Variants in NTNG1 observed in about 807,000 individuals in gnomAD.
NTNG1 encodes netrin G1.
A neutral mutation model predicts 54.0 loss-of-function variants in NTNG1; 16 were observed. That is an observed-to-expected ratio of 0.30 (90% CI 0.20 to 0.45). NTNG1 has a LOEUF of 0.45. Among genes scored for constraint, NTNG1 ranks in the 20% least tolerant of loss-of-function variants. The pLI is 1.00. For missense variants in NTNG1, 530 were observed against 678.7 expected, an observed-to-expected ratio of 0.78 and a Z score of 2.43; for synonymous variants, 255 against 263.1, an observed-to-expected ratio of 0.97 and a Z score of 0.30.
intron 2 of NTNG1, among the ~76,000 whole-genome samples, chr1:107,233,722 G>T (rs570851849): frequency 3.2e-3 from 492 of 152,292 alleles, no homozygotes; most frequent in Middle Eastern, 0.014. Context: ...AATCTTACTT[G>T]TAGATTTTGA....
intron 2 of NTNG1, among the ~76,000 whole-genome samples, chr1:107,253,090 C>T (rs1407796352): frequency 6.6e-6 from 1 of 152,220 alleles, no homozygotes; most frequent in African/African-American, 2.4e-5. Flanking sequence ...GAAATCCACT[C>T]TTAATTTCAT....
At chr1:107,422,868 G>A (rs17465532) in intron 5 of NTNG1, among the ~76,000 whole-genome samples, 11,064 of 152,076 alleles carry the variant, frequency 0.073, 524 homozygotes, top group Non-Finnish European at 0.11. Context: ...TATTTACAGA[G>A]ACAATTTACT....
chr1:107,326,554 A>G (rs1235739095), intron 3 of NTNG1, among the ~76,000 whole-genome samples: 1 of 152,172 alleles, frequency 6.6e-6, no homozygotes, highest in Non-Finnish European at 1.5e-5. Context: ...ATAGCTTGCC[A>G]CAATGAAGTA....
At chr1:107,270,188 T>A (rs1240709503) in intron 2 of NTNG1, among the ~76,000 whole-genome samples, 1 of 152,262 alleles carries the variant, frequency 6.6e-6, no homozygotes, top group Non-Finnish European at 1.5e-5. Flanking sequence ...GTGCTGTATA[T>A]TCTTTTATTA....
At chr1:107,438,303 G>A (rs772142132) in intron 7 of NTNG1, among the ~76,000 whole-genome samples, 1 of 152,138 alleles carries the variant, frequency 6.6e-6, no homozygotes, top group Non-Finnish European at 1.5e-5. Flanking sequence ...GAGGAACACT[G>A]AAAGACAGTC....
chr1:107,458,032 A>G (rs1571003995), intron 7 of NTNG1, among the ~76,000 whole-genome samples: 1 of 152,152 alleles, frequency 6.6e-6, no homozygotes, highest in Non-Finnish European at 1.5e-5. Flanking sequence ...ATTTGCTCTA[A>G]TAGCCCAAGT....
intron 4 of NTNG1, among the ~76,000 whole-genome samples, chr1:107,399,558 AC>A (rs1345742414): frequency 2.0e-5 from 3 of 152,168 alleles, no homozygotes; most frequent in Non-Finnish European, 4.4e-5. Context: ...CCAGGTGTAC[AC>A]ATGTATGTGT....
At chr1:107,263,654 G>A (rs1178520061) in intron 2 of NTNG1, among the ~76,000 whole-genome samples, 1 of 152,162 alleles carries the variant, frequency 6.6e-6, no homozygotes, top group South Asian at 2.1e-4. Flanking sequence ...GGCTTGTACA[G>A]TGTAACTTCC....
chr1:107,179,954 G>T (rs1656947600), intron 2 of NTNG1, among the ~76,000 whole-genome samples: 1 of 152,060 alleles, frequency 6.6e-6, no homozygotes, highest in Non-Finnish European at 1.5e-5. Context: ...ATGCAAGATT[G>T]CAAAAGCTCC....
intron 2 of NTNG1, among the ~76,000 whole-genome samples, chr1:107,255,769 G>A (rs944248346): frequency 6.6e-6 from 1 of 152,136 alleles, no homozygotes; most frequent in African/African-American, 2.4e-5. Flanking sequence ...CTTAAGTTCA[G>A]CACATTTAGA....
intron 2 of NTNG1, among the ~76,000 whole-genome samples, chr1:107,212,347 T>C (rs1237533875): frequency 6.6e-6 from 1 of 152,172 alleles, no homozygotes; most frequent in African/African-American, 2.4e-5. Flanking sequence ...GTACTTTACA[T>C]ATCTGATCTT....
chr1:107,278,168 T>G (rs1664604327), intron 2 of NTNG1, among the ~76,000 whole-genome samples: 1 of 152,196 alleles, frequency 6.6e-6, no homozygotes, highest in Non-Finnish European at 1.5e-5. Context: ...AGTAATCCAT[T>G]ACTTCCTTGA....
chr1:107,447,494 T>C (rs1676377034), intron 7 of NTNG1, among the ~76,000 whole-genome samples: 1 of 152,102 alleles, frequency 6.6e-6, no homozygotes, highest in Non-Finnish European at 1.5e-5. Flanking sequence ...TCTAATTAAA[T>C]GAAAAATTAA....
chr1:107,401,088 G>A (rs1029129662), intron 4 of NTNG1, among the ~76,000 whole-genome samples: 1 of 152,160 alleles, frequency 6.6e-6, no homozygotes, highest in Admixed American at 6.5e-5. Context: ...TCCAACACAA[G>A]AGCCTTCAAT....
intron 2 of NTNG1, among the ~76,000 whole-genome samples, chr1:107,229,515 A>T (rs541976356): frequency 4.0e-5 from 6 of 151,436 alleles, no homozygotes; most frequent in African/African-American, 1.2e-4. Flanking sequence ...ATATATTTCA[A>T]AGTTTTTTCA....
At chr1:107,171,916 G>A (rs977979260) in intron 2 of NTNG1, among the ~76,000 whole-genome samples, 9 of 151,678 alleles carry the variant, frequency 5.9e-5, no homozygotes, top group Admixed American at 3.9e-4. Flanking sequence ...GTTTTCCTTG[G>A]TTTTTTATTT....
At chr1:107,299,075 T>C (rs1254869768) in intron 2 of NTNG1, among the ~76,000 whole-genome samples, 1 of 152,130 alleles carries the variant, frequency 6.6e-6, no homozygotes, top group Non-Finnish European at 1.5e-5. Context: ...TAAAAGTCTT[T>C]TTAAAAATCA....
At chr1:107,269,868 C>T (rs1281041570) in intron 2 of NTNG1, among the ~76,000 whole-genome samples, 1 of 152,214 alleles carries the variant, frequency 6.6e-6, no homozygotes, top group African/African-American at 2.4e-5. Context: ...TAAATGAACA[C>T]ATAGACATCA....
chr1:107,261,893 C>T (rs1396268769), intron 2 of NTNG1, among the ~76,000 whole-genome samples: 1 of 152,170 alleles, frequency 6.6e-6, no homozygotes, highest in Non-Finnish European at 1.5e-5. Context: ...TATAAGACAT[C>T]ATTTGTGAAT....
Sources: gnomAD v4.1 joint callset for allele counts (sites outside exome capture counted in the v4.1 genomes callset) on GRCh38, gnomAD v4.1.1 for gene constraint, MANE v1.5 for transcripts, NCBI Gene and HGNC (gene_info 2026-07-23, HGNC 2026-07-21) for gene names.